Variants in MTMR6 observed in about 807,000 individuals in gnomAD.
MTMR6 encodes the protein myotubularin related protein 6.
A neutral mutation model predicts 80.1 loss-of-function variants in MTMR6; 47 were observed. The observed-to-expected ratio is 0.59, with a 90% CI of 0.46 to 0.75. The LOEUF (loss-of-function observed/expected upper bound fraction) is 0.75, where lower values mean the gene tolerates loss of function less well. MTMR6 is among the 30% of genes least tolerant of loss of function. The probability of loss-of-function intolerance (pLI) is 0.00; values close to 1 mark genes in which losing one functional copy is unlikely to be tolerated. For missense variants in MTMR6, 629 were observed against 730.9 expected (o/e 0.86, Z 1.61); for synonymous variants, 254 against 253.0 (o/e 1.00, Z -0.04).
At chr13:25,250,261 AG>A (rs1957056482) in intron 13 of MTMR6, among the ~76,000 whole-genome samples, 1 of 152,222 alleles carries the variant, frequency 6.6e-6, no homozygotes, top group African/African-American at 2.4e-5. Context: ...AAAAGATTAT[AG>A]GAAAGTCTTA....
intron 6 of MTMR6, 95 bp from the exon 7 acceptor site, chr13:25,258,787 A>G: frequency 1.7e-6 from 2 of 1,157,336 alleles, no homozygotes; most frequent in Admixed American, 3.6e-5. Flanking sequence ...TTTAGCTAGG[A>G]GGCAGTTTAA....
At chr13:25,261,598 A>C (rs1306398015) in intron 6 of MTMR6, 70 bp downstream of exon 6, 2 of 1,308,650 alleles carry the variant, frequency 1.5e-6, no homozygotes, top group African/African-American at 3.0e-5. Context: ...GGGCAAGTTT[A>C]TTAACTCTCA....
chr13:25,252,763 T>C (rs1957118468), intron 11 of MTMR6, among the ~76,000 whole-genome samples: 1 of 152,198 alleles, frequency 6.6e-6, no homozygotes. Flanking sequence ...CTCCAAATTA[T>C]AATAAACTAT....
chr13:25,281,768 C>T (rs1361276952), intron 1 of MTMR6, among the ~76,000 whole-genome samples: 2 of 152,130 alleles, frequency 1.3e-5, no homozygotes, highest in African/African-American at 2.4e-5. Flanking sequence ...AAAAAGAAAG[C>T]ACATCAAGTT....
chr13:25,250,826 A>G (rs1957068776), intron 13 of MTMR6, among the ~76,000 whole-genome samples: 1 of 152,206 alleles, frequency 6.6e-6, no homozygotes, highest in Non-Finnish European at 1.5e-5. Flanking sequence ...TGAAGGGTAT[A>G]TTGGCCTATA....
In MTMR6 at chr13:25,251,313, G is replaced by A. The variant is rs1272121647; in HGVS notation, c.1605+336C>T. Among the ~76,000 whole-genome samples, 6 of 152,126 alleles carry A rather than the reference G, an allele frequency of 3.9e-5. No individual in the cohort carries two copies. The highest frequency in any genetic ancestry group is 8.8e-5 in the Non-Finnish European group (6 of 68,028). On this transcript the variant is annotated intron_variant, in intron 13 of 13. Coordinates refer to ENST00000381801, the MANE Select transcript of MTMR6 (RefSeq NM_004685.5). The surrounding 1 kb of genome is among the most constrained non-coding windows in gnomAD (Gnocchi z 4.1). Reference sequence around the variant, plus strand: ...TGGGATTACAGGCGTGAGCCACTGCGCCCGGCCTATGTTTTATTTCTTAAA... The same window carrying A: ...TGGGATTACAGGCGTGAGCCACTGCACCCGGCCTATGTTTTATTTCTTAAA...
chr13:25,254,391 G>C lies in MTMR6; in HGVS notation c.1139C>G (p.Ser380Ter). 6.3e-7 allele frequency: 1 copy of C among 1,575,162 alleles called. No homozygotes were observed. Among genetic ancestry groups the C allele is most frequent in the Non-Finnish European group, 8.7e-7 (1 of 1,148,288 alleles). ...KDWISFGHKFSERCGQLDGDP... is the reference protein window; with the variant it reads ...KDWISFGHKF ...CTGTGTAACTGTGACTCACCTCTCTGAAAATTTATGTCCAAAAGAGATCCA... is the reference window on the plus strand; with the variant it reads ...CTGTGTAACTGTGACTCACCTCTCTCAAAATTTATGTCCAAAAGAGATCCA... The change falls in exon 10 of 14, where the codon TCA (serine) becomes TGA (stop). Residue 380 changes from serine to a stop codon, truncating the protein, a stop_gained. Coordinates refer to ENST00000381801, the MANE Select transcript of MTMR6 (RefSeq NM_004685.5). LOFTEE classifies it high-confidence loss of function.
intron 9 of MTMR6, among the ~76,000 whole-genome samples, chr13:25,254,853 T>C (rs756756796): frequency 3.1e-4 from 47 of 152,216 alleles, no homozygotes; most frequent in South Asian, 8.3e-4. Flanking sequence ...GGCTTACTTG[T>C]ACATTTTTTA....
chr13:25,256,645 G>A (rs1257264729), intron 9 of MTMR6, among the ~76,000 whole-genome samples: 3 of 152,004 alleles, frequency 2.0e-5, no homozygotes, highest in Non-Finnish European at 4.4e-5. Flanking sequence ...CAAAAAAAAG[G>A]AACTAGGTCT....
chr13:25,277,151 G>C (rs1055808518), intron 1 of MTMR6, among the ~76,000 whole-genome samples: 1 of 152,168 alleles, frequency 6.6e-6, no homozygotes, highest in Non-Finnish European at 1.5e-5. Flanking sequence ...GTGAGTTAAT[G>C]TTACTCCTCC....
intron 8 of MTMR6, 150 bp downstream of exon 8, chr13:25,257,586 T>G: frequency 1.5e-6 from 1 of 680,916 alleles, no homozygotes; most frequent in Non-Finnish European, 2.4e-6. Context: ...TACATGATAT[T>G]TTTAAGGCTG....
intron 5 of MTMR6, among the ~76,000 whole-genome samples, chr13:25,262,577 A>G (rs1344638765): frequency 6.6e-6 from 1 of 152,196 alleles, no homozygotes; most frequent in Non-Finnish European, 1.5e-5. Context: ...CATGTTGCCC[A>G]GGCTGGTTGT....
At chr13:25,259,232 C>T (rs999182685) in intron 6 of MTMR6, among the ~76,000 whole-genome samples, 2 of 152,190 alleles carry the variant, frequency 1.3e-5, no homozygotes, top group Non-Finnish European at 2.9e-5. Flanking sequence ...GGCATATAAT[C>T]GGCTATCCTG....
Position 25,277,415 on chromosome 13 carries a change from C to T in MTMR6, c.25-3228G>A, listed in dbSNP as rs536367548. On this transcript the variant is annotated intron_variant, in intron 1 of 13. Transcript: ENST00000381801. ...TCATTTATGCATGAATATCTCCTAA[C>T]GGTTAGTAGAGTGTCTGACACAATA... is the stretch of plus-strand genomic sequence containing the variant. Among the ~76,000 whole-genome samples the T allele has an allele frequency of 2.5e-4, 38 of 152,258 alleles. No individual in the cohort carries two copies. The South Asian group carries it at 4.8e-3, about 19-fold the overall frequency.
chr13:25,257,329 G>C lies in MTMR6; in HGVS notation c.970-8C>G. ...ATTTTCAACTGTTATTGCCTGAAAA[G>C]AAAGATCACATACATTCTAGCGTAC... On this transcript the variant is annotated splice_polypyrimidine_tract_variant and splice_region_variant and intron_variant, in intron 8 of 13. Transcript: ENST00000381801. 1 of 1,613,120 alleles carries C rather than the reference G, an allele frequency of 6.2e-7. No homozygotes were observed. Among genetic ancestry groups the C allele is most frequent in the Non-Finnish European group, 8.5e-7 (1 of 1,179,516 alleles).
At chr13:25,281,641 G>A (rs1402569772) in intron 1 of MTMR6, among the ~76,000 whole-genome samples, 1 of 152,118 alleles carries the variant, frequency 6.6e-6, no homozygotes, top group Non-Finnish European at 1.5e-5. Context: ...GGCTACTGAA[G>A]CAGAAAGTGC....
At chr13:25,286,264 A>G (rs1231707804) in intron 1 of MTMR6, among the ~76,000 whole-genome samples, 1 of 152,254 alleles carries the variant, frequency 6.6e-6, no homozygotes, top group Non-Finnish European at 1.5e-5. Flanking sequence ...TCTTGGAACA[A>G]TGAAGATAAC....
At chr13:25,287,138 G>C (rs1957969286) in intron 1 of MTMR6, 86 bp downstream of exon 1, 2 of 1,524,310 alleles carry the variant, frequency 1.3e-6, no homozygotes, top group African/African-American at 2.7e-5. Flanking sequence ...CCCAGCCCCA[G>C]TCAGGCCAGC....
chr13:25,277,067 T>C (rs1285658699), intron 1 of MTMR6, among the ~76,000 whole-genome samples: 1 of 152,200 alleles, frequency 6.6e-6, no homozygotes, highest in Non-Finnish European at 1.5e-5. Context: ...TTGAGCCGTG[T>C]TATACATACT....
Sources: allele counts gnomAD v4.1 joint callset (sites outside exome capture counted in the v4.1 genomes callset), GRCh38; gene constraint gnomAD v4.1.1; non-coding constraint Gnocchi (gnomAD v3.1); transcripts MANE v1.5; gene names NCBI Gene and HGNC (gene_info 2026-07-23, HGNC 2026-07-21).